MAGI2: variants seen among roughly 807,000 people sequenced by gnomAD.
MAGI2 encodes membrane-associated guanylate kinase, WW and PDZ domain-containing protein 2.
Under a neutral mutation model 133.3 loss-of-function variants are expected in MAGI2, and 35 were observed. The observed-to-expected ratio is 0.26, with a 90% CI of 0.20 to 0.35. MAGI2 has a LOEUF of 0.35. Ranked by LOEUF, MAGI2 falls within the 10% of genes least tolerant of loss-of-function variation. The pLI, the probability that MAGI2 is intolerant of heterozygous loss-of-function variation, is 1.00. For synonymous variants in MAGI2, 729 were observed against 710.6 expected, an observed-to-expected ratio of 1.03 and a Z score of -0.41; for missense variants, 1,636 against 1,863.4, an observed-to-expected ratio of 0.88 and a Z score of 2.25.
At chr7:79,077,504 G>T (rs1283220839) in intron 1 of MAGI2, among the ~76,000 whole-genome samples, 1 of 149,180 alleles carries the variant, frequency 6.7e-6, no homozygotes, top group African/African-American at 2.5e-5. Flanking sequence ...GAACCTGGCC[G>T]GTGGAGCTTG....
chr7:78,039,271 T>A (rs936144085), intron 21 of MAGI2, among the ~76,000 whole-genome samples: 1 of 152,226 alleles, frequency 6.6e-6, no homozygotes, highest in Non-Finnish European at 1.5e-5. Context: ...AGATGTGATC[T>A]CTCACACCTG....
intron 6 of MAGI2, among the ~76,000 whole-genome samples, chr7:78,385,672 A>G (rs905231492): frequency 1.3e-5 from 2 of 152,208 alleles, no homozygotes; most frequent in Admixed American, 1.3e-4. Context: ...TGGATAATCC[A>G]GGTGGAGATA....
rs1345035691 is a variant in MAGI2 at position 78,157,956 on chromosome 7, A to AG, written c.2845+2068dup. 2.8e-4 allele frequency among the ~76,000 whole-genome samples: 43 copies of AG among 152,322 alleles called. 1 individual carries two copies. Among genetic ancestry groups the AG allele is most frequent in the Admixed American group, 2.0e-3 (31 of 15,298 alleles). On this transcript the variant is annotated intron_variant, in intron 16 of 21. Transcript: ENST00000354212. ...ATTCGCTGAGGTTTAATGCTTCTGTAGTTTTCACTCCTGAATTTATCAAGG... is the reference window on the plus strand; with the variant it reads ...ATTCGCTGAGGTTTAATGCTTCTGTAGGTTTTCACTCCTGAATTTATCAAGG...
chr7:78,167,653 C>T (rs1825741641), intron 15 of MAGI2, among the ~76,000 whole-genome samples: 1 of 152,168 alleles, frequency 6.6e-6, no homozygotes, highest in Non-Finnish European at 1.5e-5. Flanking sequence ...AGAGAGCATA[C>T]ATACCTTAAA....
intron 2 of MAGI2, among the ~76,000 whole-genome samples, chr7:78,806,314 T>C (rs1788572738): frequency 6.6e-6 from 1 of 152,136 alleles, no homozygotes; most frequent in African/African-American, 2.4e-5. Flanking sequence ...CACTGAAAGA[T>C]GTTTGTGCAA....
intron 2 of MAGI2, among the ~76,000 whole-genome samples, chr7:78,802,631 A>G (rs866487865): frequency 1.3e-5 from 2 of 152,200 alleles, no homozygotes; most frequent in South Asian, 2.1e-4. Flanking sequence ...TGGTAGATTC[A>G]TGACATTAAA....
chr7:79,080,707 A>G (rs971519250), intron 1 of MAGI2, among the ~76,000 whole-genome samples: 4 of 152,126 alleles, frequency 2.6e-5, no homozygotes, highest in Non-Finnish European at 5.9e-5. Flanking sequence ...TACATAAGAC[A>G]GGTACAAAGC....
chr7:78,455,730 T>C (rs1382537972), intron 6 of MAGI2, among the ~76,000 whole-genome samples: 2 of 152,146 alleles, frequency 1.3e-5, no homozygotes, highest in African/African-American at 4.8e-5. Context: ...TTATTTCTCA[T>C]GTTCAGTGAT....
chr7:78,151,089 T>C (rs1584156110), intron 16 of MAGI2, among the ~76,000 whole-genome samples: 1 of 148,262 alleles, frequency 6.7e-6, no homozygotes, highest in East Asian at 1.9e-4. Flanking sequence ...TTTATATTTA[T>C]ATTTATATTT....
intron 1 of MAGI2, among the ~76,000 whole-genome samples, chr7:79,305,147 G>T (rs1257551112): frequency 1.3e-5 from 2 of 152,144 alleles, no homozygotes; most frequent in Non-Finnish European, 2.9e-5. Context: ...TGGCCCTTTG[G>T]TTAAGAGCTG....
At chr7:79,426,967 AT>A (rs1187975685) in intron 1 of MAGI2, among the ~76,000 whole-genome samples, 1 of 152,160 alleles carries the variant, frequency 6.6e-6, no homozygotes, top group Non-Finnish European at 1.5e-5. Flanking sequence ...AGGAAAAAAA[AT>A]CTTTACTTCC....
chr7:79,448,097 G>T (rs1848987283), intron 1 of MAGI2, among the ~76,000 whole-genome samples: 1 of 151,772 alleles, frequency 6.6e-6, no homozygotes, highest in Non-Finnish European at 1.5e-5. Context: ...TGGGAGTAAA[G>T]ATATGCGGTA....
chr7:78,636,475 C>T (rs1809656746), intron 2 of MAGI2, among the ~76,000 whole-genome samples: 1 of 151,420 alleles, frequency 6.6e-6, no homozygotes, highest in Admixed American at 6.6e-5. Context: ...GAGGAAGCAT[C>T]GGACCCAAAC....
intron 9 of MAGI2, among the ~76,000 whole-genome samples, chr7:78,306,423 T>C (rs1798250226): frequency 6.6e-6 from 1 of 152,212 alleles, no homozygotes; most frequent in Non-Finnish European, 1.5e-5. Flanking sequence ...CATTTTAACT[T>C]GGCTATCACT....
At chr7:79,029,159 A>C (rs1439419820) in intron 1 of MAGI2, among the ~76,000 whole-genome samples, 1 of 152,156 alleles carries the variant, frequency 6.6e-6, no homozygotes, top group Admixed American at 6.5e-5. Context: ...TAATCATTTC[A>C]GAAAATAGTA....
At chr7:78,889,059 G>A (rs1796510305) in intron 2 of MAGI2, among the ~76,000 whole-genome samples, 1 of 152,152 alleles carries the variant, frequency 6.6e-6, no homozygotes, top group Non-Finnish European at 1.5e-5. Flanking sequence ...TGAAAACCAT[G>A]GCACAAGAAC....
chr7:79,451,950 T>C (rs1849291768), intron 1 of MAGI2, among the ~76,000 whole-genome samples: 1 of 152,210 alleles, frequency 6.6e-6, no homozygotes, highest in Non-Finnish European at 1.5e-5. Context: ...TTTATCTCAC[T>C]CTTCTCTCCT....
chr7:79,365,626 GGC>G (rs1212736928), intron 1 of MAGI2, among the ~76,000 whole-genome samples: 2 of 151,982 alleles, frequency 1.3e-5, no homozygotes, highest in East Asian at 3.9e-4. Flanking sequence ...GGGGGGCCGA[GGC>G]GGGCAGATCA....
At chr7:79,378,926 G>GTGTGTATATATATATA (rs1158436636) in intron 1 of MAGI2, among the ~76,000 whole-genome samples, 1 of 94,600 alleles carries the variant, frequency 1.1e-5, no homozygotes, top group African/African-American at 3.6e-5. Context: ...ATGTGTGTGT[G>GTGTGTATATATATATA]TATATATATA....
Sources: allele counts gnomAD v4.1 joint callset (sites outside exome capture counted in the v4.1 genomes callset), GRCh38; gene constraint gnomAD v4.1.1; transcripts MANE v1.5; gene names NCBI Gene and HGNC (gene_info 2026-07-23, HGNC 2026-07-21).